ABCG1: variants seen among roughly 807,000 people sequenced by gnomAD.
ABCG1 encodes ATP binding cassette subfamily G member 1.
ABCG1 carries 29 observed loss-of-function variants against 69.2 expected under a neutral mutation model. That is an observed-to-expected ratio of 0.42 (90% CI 0.31 to 0.57). ABCG1 has a LOEUF of 0.57. Ranked by LOEUF, ABCG1 falls within the 20% of genes least tolerant of loss-of-function variation. The pLI, the probability that ABCG1 is intolerant of heterozygous loss-of-function variation, is 0.15. For missense variants in ABCG1, 718 were observed against 898.1 expected, an observed-to-expected ratio of 0.80 and a Z score of 2.56; for synonymous variants, 370 against 374.8, an observed-to-expected ratio of 0.99 and a Z score of 0.15.
chr21:42,257,936 C>A (rs903095611), intron 2 of ABCG1, among the ~76,000 whole-genome samples: 25 of 151,116 alleles, frequency 1.7e-4, no homozygotes, highest in Admixed American at 1.3e-3. Flanking sequence ...TTTTCCCATC[C>A]ACTCCATCAG....
chr21:42,224,589 T>C (rs1405823408), intron 1 of ABCG1, among the ~76,000 whole-genome samples: 6 of 152,188 alleles, frequency 3.9e-5, no homozygotes, highest in Non-Finnish European at 2.9e-5. Context: ...CACAATATTA[T>C]AGTGCAGGAG....
intron 2 of ABCG1, among the ~76,000 whole-genome samples, chr21:42,255,067 A>C (rs1171899784): frequency 2.0e-5 from 3 of 152,402 alleles, no homozygotes; most frequent in African/African-American, 7.2e-5. Flanking sequence ...AGCCAGGTTT[A>C]GAAGCCTGGA....
upstream of ABCG1, among the ~76,000 whole-genome samples, chr21:42,213,870 G>A (rs543908726): frequency 1.3e-5 from 2 of 152,212 alleles, no homozygotes; most frequent in African/African-American, 2.4e-5. Flanking sequence ...CATAACTTGT[G>A]TGACTTCACA....
intron 2 of ABCG1, among the ~76,000 whole-genome samples, chr21:42,229,890 C>A (rs140508155): frequency 6.6e-6 from 1 of 152,366 alleles, no homozygotes; most frequent in African/African-American, 2.4e-5. Flanking sequence ...TACAAAGACA[C>A]TGGACCACTC....
At chr21:42,202,726 C>T (rs1262281809) in intron 2 of ABCG1, among the ~76,000 whole-genome samples, 7 of 152,164 alleles carry the variant, frequency 4.6e-5, no homozygotes, top group African/African-American at 7.2e-5. Context: ...ATCCTCCCAC[C>T]TCAGCCACCT....
intron 2 of ABCG1, among the ~76,000 whole-genome samples, chr21:42,236,556 C>A (rs1239661525): frequency 1.3e-5 from 2 of 152,250 alleles, no homozygotes; most frequent in Admixed American, 6.5e-5. Context: ...TTTGCTCAAC[C>A]TTTTGGGCTC....
intron 2 of ABCG1, among the ~76,000 whole-genome samples, chr21:42,202,360 C>A (rs1179938869): frequency 6.6e-6 from 1 of 152,122 alleles, no homozygotes; most frequent in Non-Finnish European, 1.5e-5. Context: ...TGCCTTTGTG[C>A]ATGTATCCAC....
At chr21:42,255,320 G>T (rs1239594261) in intron 2 of ABCG1, among the ~76,000 whole-genome samples, 1 of 152,176 alleles carries the variant, frequency 6.6e-6, no homozygotes, top group East Asian at 1.9e-4. Context: ...TGTGTACATG[G>T]TGTGTCTGTG....
At chr21:42,256,776 C>T (rs1378767627) in intron 2 of ABCG1, among the ~76,000 whole-genome samples, 5 of 152,192 alleles carry the variant, frequency 3.3e-5, no homozygotes, top group Non-Finnish European at 7.3e-5. Context: ...ACTGGGTCTG[C>T]AATGTGAAGC....
At chr21:42,279,174 G>A in intron 5 of ABCG1, among the ~76,000 whole-genome samples, 1 of 152,064 alleles carries the variant, frequency 6.6e-6, no homozygotes, top group East Asian at 1.9e-4. Flanking sequence ...CCTGCAAGCT[G>A]AGGGGCGGCT....
Position 42,225,828 on chromosome 21 carries a change from C to T in ABCG1, c.200C>T (p.Ser67Phe). 1 of 1,613,966 alleles carries T rather than the reference C, an allele frequency of 6.2e-7. No individual in the cohort carries two copies. Among genetic ancestry groups the T allele is most frequent in the East Asian group, 2.2e-5 (1 of 44,868 alleles). Residue 67 changes from serine (S) to phenylalanine (F), a missense_variant, in exon 2 of 15, where the codon TCC becomes TTC. Ser to Phe is a radical substitution (Grantham distance 155). Transcript: ENST00000398449. The stretch of plus-strand genomic sequence containing the variant: ...AACCTCACGGAAGCCCAGCGCTTCT[C>T]CTCCTTGCCTCGGAGGGCAGCTGTG... Reference protein sequence around the residue: ...DNNLTEAQRFSSLPRRAAVNI... With the variant: ...DNNLTEAQRFFSLPRRAAVNI...
intron 14 of ABCG1, chr21:42,294,929 G>A (rs1424944216): frequency 4.8e-6 from 2 of 412,710 alleles, no homozygotes; most frequent in Non-Finnish European, 9.0e-6. Flanking sequence ...GTTGCCGAGA[G>A]CTGCCTTCGG....
Position 42,219,994 on chromosome 21 carries a change from C to A in ABCG1, c.42+690C>A. ...GGGATGCGCATTTCACTTCCCCGAG[C>A]TCCGGAGAGGGATGGCGGGGTGTCG... On this transcript the variant is annotated intron_variant, in intron 1 of 14. Coordinates refer to ENST00000398449, the MANE Select transcript of ABCG1 (RefSeq NM_016818.3). The surrounding 1 kb of genome is among the most constrained non-coding windows in gnomAD (Gnocchi z 5.3). 2 of 1,553,402 alleles carry A rather than the reference C, an allele frequency of 1.3e-6. No homozygotes were observed.
At chr21:42,232,246 A>G (rs1338042564) in intron 2 of ABCG1, among the ~76,000 whole-genome samples, 1 of 152,236 alleles carries the variant, frequency 6.6e-6, no homozygotes, top group Non-Finnish European at 1.5e-5. Context: ...GGGGTTTGCT[A>G]CTTTCTTGGA....
chr21:42,248,780 A>G (rs2068174188), intron 2 of ABCG1, among the ~76,000 whole-genome samples: 1 of 151,620 alleles, frequency 6.6e-6, no homozygotes, highest in Non-Finnish European at 1.5e-5. Flanking sequence ...GGTGGTGCAC[A>G]CCTGTAGTCC....
chr21:42,264,862 G>A (rs1447580945), intron 2 of ABCG1, among the ~76,000 whole-genome samples: 1 of 152,126 alleles, frequency 6.6e-6, no homozygotes, highest in Non-Finnish European at 1.5e-5. Context: ...CTGGGGGCAC[G>A]TGCATGGGGA....
chr21:42,290,995 G>C (rs1272477090), intron 11 of ABCG1, 97 bp from the exon 12 acceptor site: 2 of 887,438 alleles, frequency 2.3e-6, no homozygotes, highest in Non-Finnish European at 3.7e-6. Flanking sequence ...CCAGAGCTGG[G>C]TTACCAGCCG....
At position 42,205,529 on chromosome 21, in the gene ABCG1, C is replaced by T. The variant is rs543886524; in HGVS notation, c.48+3806C>T. 6.6e-5 allele frequency among the ~76,000 whole-genome samples: 10 copies of T among 150,728 alleles called. No homozygotes were observed. In the East Asian group the frequency reaches 7.8e-4, roughly 12 times the overall value. ...AGGAGAATTGCTTGAACCTGGGAGG[C>T]GGAGGTTATGGTGAGCCAAGATCAT... On this transcript the variant is annotated intron_variant, in intron 2 of 15. Transcript: ENST00000398457.
At chr21:42,237,259 C>A (rs868395880) in intron 2 of ABCG1, among the ~76,000 whole-genome samples, 1 of 152,340 alleles carries the variant, frequency 6.6e-6, no homozygotes, top group Middle Eastern at 3.4e-3. Context: ...CTTAGCCTGG[C>A]CAGCAGGGCT....
Sources: gnomAD v4.1 joint callset for allele counts (sites outside exome capture counted in the v4.1 genomes callset) on GRCh38, gnomAD v4.1.1 for gene constraint, Gnocchi (gnomAD v3.1) non-coding constraint, MANE v1.5 for transcripts, NCBI Gene and HGNC (gene_info 2026-07-23, HGNC 2026-07-21) for gene names.